The following PTPRD variants were observed in gnomAD, a reference collection of about 807,000 sequenced individuals.
The protein encoded by PTPRD is protein tyrosine phosphatase receptor type D.
In PTPRD, 34 loss-of-function variants were observed where a neutral mutation model predicts 214.5. The observed-to-expected ratio is 0.16, with a 90% CI of 0.12 to 0.21. The LOEUF is 0.21. PTPRD is among the 10% of genes least tolerant of loss of function. The pLI is 1.00. For missense variants in PTPRD, 2,545 were observed against 2,398.7 expected (o/e 1.06, Z -1.27); for synonymous variants, 1,128 against 845.7 (o/e 1.33, Z -5.79).
At chr9:10,495,982 A>C (rs539515713) in intron 2 of PTPRD, among the ~76,000 whole-genome samples, 1 of 151,934 alleles carries the variant, frequency 6.6e-6, no homozygotes, top group South Asian at 2.1e-4. Context: ...CATAACATCA[A>C]TGATATGTTT....
intron 2 of PTPRD, among the ~76,000 whole-genome samples, chr9:10,555,125 CA>C (rs1491036662): frequency 6.6e-6 from 1 of 151,708 alleles, no homozygotes; most frequent in Non-Finnish European, 1.5e-5. Context: ...AAACAACACA[CA>C]AAAAACCTTT....
intron 9 of PTPRD, among the ~76,000 whole-genome samples, chr9:9,212,473 G>C (rs557877225): frequency 6.6e-6 from 1 of 152,064 alleles, no homozygotes; most frequent in South Asian, 2.1e-4. Context: ...TGATTTTAAC[G>C]CTATTAATTG....
At chr9:9,223,757 G>A (rs2099957665) in intron 9 of PTPRD, among the ~76,000 whole-genome samples, 1 of 151,982 alleles carries the variant, frequency 6.6e-6, no homozygotes, top group South Asian at 2.1e-4. Context: ...AATGCACGTG[G>A]TTTAATTATA....
At chr9:8,628,625 A>AG (rs979677973) in intron 14 of PTPRD, among the ~76,000 whole-genome samples, 1 of 151,732 alleles carries the variant, frequency 6.6e-6, no homozygotes, top group African/African-American at 2.4e-5. Context: ...AAAAAAAAAA[A>AG]AAAGAAACAG....
At chr9:10,091,481 C>A (rs929011205) in intron 3 of PTPRD, among the ~76,000 whole-genome samples, 4 of 151,406 alleles carry the variant, frequency 2.6e-5, no homozygotes, top group African/African-American at 9.7e-5. Flanking sequence ...ATATACATTT[C>A]AAATGAGATT....
At chr9:9,970,762 G>A (rs554182037) in intron 4 of PTPRD, among the ~76,000 whole-genome samples, 2 of 152,154 alleles carry the variant, frequency 1.3e-5, no homozygotes, top group Non-Finnish European at 2.9e-5. Flanking sequence ...GGAAGGCAGA[G>A]CTTCTGGAGT....
chr9:9,219,774 C>T (rs972707685), intron 9 of PTPRD, among the ~76,000 whole-genome samples: 3 of 152,146 alleles, frequency 2.0e-5, no homozygotes, highest in African/African-American at 7.2e-5. Context: ...TAACCTCCAC[C>T]CTGAGAGTTC....
Position 10,061,793 on chromosome 9 carries a change from A to G in PTPRD, c.-544-28003T>C, listed in dbSNP as rs190407211. 4.9e-3 allele frequency among the ~76,000 whole-genome samples: 747 copies of G among 152,164 alleles called. 5 individuals carry two copies. Among genetic ancestry groups the G allele is most frequent in the African/African-American group, 0.013 (537 of 41,542 alleles). ...AACATCTTTTCACTTATGTAAAATGAAGGTTTTTGGGGATTGTAATGATCA... is the reference window on the plus strand; with the variant it reads ...AACATCTTTTCACTTATGTAAAATGGAGGTTTTTGGGGATTGTAATGATCA... On this transcript the variant is annotated intron_variant, in intron 3 of 45. Transcript: ENST00000381196.
At chr9:9,650,279 G>A (rs2096301606) in intron 7 of PTPRD, among the ~76,000 whole-genome samples, 1 of 152,282 alleles carries the variant, frequency 6.6e-6, no homozygotes, top group East Asian at 1.9e-4. Context: ...GCAGAACCGT[G>A]AGACAATTAA....
At chr9:10,051,122 T>C (rs1027443754) in intron 3 of PTPRD, among the ~76,000 whole-genome samples, 3 of 152,114 alleles carry the variant, frequency 2.0e-5, no homozygotes, top group Non-Finnish European at 4.4e-5. Flanking sequence ...GGGTACCTAA[T>C]ATATTACTTT....
intron 3 of PTPRD, among the ~76,000 whole-genome samples, chr9:10,038,073 A>G (rs888199384): frequency 6.6e-6 from 1 of 152,132 alleles, no homozygotes; most frequent in South Asian, 2.1e-4. Flanking sequence ...AATTTATTTT[A>G]TCTGTCACAT....
At chr9:8,484,624 AT>A (rs2096959376) in intron 29 of PTPRD, among the ~76,000 whole-genome samples, 1 of 151,666 alleles carries the variant, frequency 6.6e-6, no homozygotes, top group Non-Finnish European at 1.5e-5. Context: ...ATACATATAT[AT>A]ATATAGAAAA....
chr9:10,527,363 G>A (rs941739888), intron 2 of PTPRD, among the ~76,000 whole-genome samples: 9 of 152,090 alleles, frequency 5.9e-5, no homozygotes, highest in African/African-American at 1.9e-4. Flanking sequence ...AATAATTAGT[G>A]ACACACCTGG....
At chr9:8,917,263 G>T (rs1172463675) in intron 11 of PTPRD, among the ~76,000 whole-genome samples, 2 of 149,458 alleles carry the variant, frequency 1.3e-5, no homozygotes, top group Non-Finnish European at 3.0e-5. Context: ...CGAGTAGCTG[G>T]GATTACAGGT....
intron 14 of PTPRD, among the ~76,000 whole-genome samples, chr9:8,549,245 T>C (rs951809262): frequency 6.6e-6 from 1 of 152,188 alleles, no homozygotes; most frequent in Non-Finnish European, 1.5e-5. Flanking sequence ...TAGGGAGTAT[T>C]CATTTTACTT....
chr9:8,397,286 A>G (rs2091420601), intron 36 of PTPRD, among the ~76,000 whole-genome samples: 1 of 152,132 alleles, frequency 6.6e-6, no homozygotes, highest in African/African-American at 2.4e-5. Context: ...AAGGGATCAT[A>G]TTTATTGAGG....
chr9:9,397,672 T>G (rs1369269955), intron 8 of PTPRD, among the ~76,000 whole-genome samples, 190 bp from the exon 9 acceptor site: 2 of 151,984 alleles, frequency 1.3e-5, no homozygotes, highest in African/African-American at 4.8e-5. Context: ...ATTTAAGGAG[T>G]AAAAAAGATA....
intron 10 of PTPRD, among the ~76,000 whole-genome samples, chr9:9,078,286 G>A (rs557320571): frequency 7.2e-5 from 11 of 152,024 alleles, no homozygotes; most frequent in South Asian, 2.1e-4. Flanking sequence ...TTTCCACTTC[G>A]CAAGAATTTC....
intron 8 of PTPRD, among the ~76,000 whole-genome samples, chr9:9,555,778 A>T (rs1005128454): frequency 3.3e-5 from 5 of 152,186 alleles, no homozygotes; most frequent in African/African-American, 1.2e-4. Context: ...ATTATATTAT[A>T]TGAGAAAATT....
Sources: allele counts gnomAD v4.1 joint callset (sites outside exome capture counted in the v4.1 genomes callset), GRCh38; gene constraint gnomAD v4.1.1; transcripts MANE v1.5; gene names NCBI Gene and HGNC (gene_info 2026-07-23, HGNC 2026-07-21).